RBFOX1: variants seen among roughly 807,000 people sequenced by gnomAD.
RBFOX1 encodes RNA binding fox-1 homolog 1.
Under a neutral mutation model 57.7 loss-of-function variants are expected in RBFOX1, and 8 were observed. The ratio of observed to expected loss-of-function variants is 0.14; its 90% confidence interval spans 0.08 to 0.25. The LOEUF is 0.25. Among genes scored for constraint, RBFOX1 ranks in the 10% least tolerant of loss-of-function variants. The probability of loss-of-function intolerance (pLI) is 1.00; values close to 1 mark genes in which losing one functional copy is unlikely to be tolerated. For synonymous variants in RBFOX1, 326 were observed against 222.4 expected (o/e 1.47, Z -4.15); for missense variants, 611 against 548.5 (o/e 1.11, Z -1.14).
chr16:5,240,181 G>C (rs1217955034), intron 1 of RBFOX1: 1 of 1,013,718 alleles, frequency 9.9e-7, no homozygotes, highest in South Asian at 1.4e-5. Context: ...GGGGCTGCGG[G>C]AGGCTCCGTG....
intron 3 of RBFOX1, among the ~76,000 whole-genome samples, chr16:6,787,136 T>C (rs940404682): frequency 1.3e-5 from 2 of 152,156 alleles, no homozygotes; most frequent in African/African-American, 4.8e-5. Flanking sequence ...AATTGAGTGC[T>C]CTCCAAGAAA....
At chr16:7,017,060 G>C (rs1393553293) in intron 3 of RBFOX1, among the ~76,000 whole-genome samples, 1 of 151,686 alleles carries the variant, frequency 6.6e-6, no homozygotes, top group Admixed American at 6.6e-5. Flanking sequence ...TTTTTTTATT[G>C]TTCCATGTTG....
intron 3 of RBFOX1, among the ~76,000 whole-genome samples, chr16:5,757,085 A>G (rs1290324742): frequency 6.6e-6 from 1 of 152,150 alleles, no homozygotes; most frequent in Non-Finnish European, 1.5e-5. Flanking sequence ...ATTCATTGAG[A>G]CCTAAAATTA....
intron 3 of RBFOX1, among the ~76,000 whole-genome samples, chr16:5,767,156 A>G (rs576809569): frequency 2.6e-5 from 4 of 152,228 alleles, no homozygotes; most frequent in African/African-American, 4.8e-5. Context: ...TTCAGTCCCA[A>G]TCACAGGTTA....
chr16:6,299,628 A>G (rs1190236532), intron 1 of RBFOX1, among the ~76,000 whole-genome samples: 1 of 152,158 alleles, frequency 6.6e-6, no homozygotes, highest in Non-Finnish European at 1.5e-5. Context: ...TTCTCCTAAA[A>G]TATGGTCAGA....
chr16:5,939,636 A>G (rs1480530306), intron 4 of RBFOX1, among the ~76,000 whole-genome samples: 1 of 152,052 alleles, frequency 6.6e-6, no homozygotes, highest in Admixed American at 6.5e-5. Context: ...CTTTTTCCAT[A>G]TTCTATTTAT....
chr16:6,004,271 TG>T lies in RBFOX1; in HGVS notation c.351+136937del, dbSNP rs1315673425. ...ACTACCTGGCTTTGCCTGCAGGCTC[TG>T]CTGCTTATTACCTGGGTGACCTTGG... is the stretch of plus-strand genomic sequence containing the variant. On this transcript the variant is annotated intron_variant, in intron 4 of 19. Transcript: ENST00000641259. Among the ~76,000 whole-genome samples the T allele has an allele frequency of 4.7e-4, 71 of 152,334 alleles. 1 individual carries two copies. The highest frequency in any genetic ancestry group is 1.4e-3 in the African/African-American group (60 of 41,582).
chr16:5,514,260 A>C (rs2043709437), intron 2 of RBFOX1, among the ~76,000 whole-genome samples: 2 of 152,154 alleles, frequency 1.3e-5, no homozygotes, highest in Admixed American at 1.3e-4. Context: ...GTTCAGCTAG[A>C]ATGGCCAGGG....
intron 1 of RBFOX1, among the ~76,000 whole-genome samples, chr16:5,343,016 G>C (rs2065064693): frequency 6.6e-6 from 1 of 152,186 alleles, no homozygotes; most frequent in Non-Finnish European, 1.5e-5. Context: ...CCAAGACTAA[G>C]TCAATGGCAT....
At chr16:6,152,124 C>T (rs754193303) in intron 1 of RBFOX1, among the ~76,000 whole-genome samples, 1 of 152,234 alleles carries the variant, frequency 6.6e-6, no homozygotes, top group East Asian at 1.9e-4. Context: ...TCCATCAAAG[C>T]TGATGGAATA....
chr16:7,252,671 G>C (rs1261377868), intron 4 of RBFOX1, among the ~76,000 whole-genome samples: 2 of 151,622 alleles, frequency 1.3e-5, no homozygotes, highest in African/African-American at 4.8e-5. Flanking sequence ...ACTTGTCCTA[G>C]ACGTAACCTT....
At chr16:7,138,556 C>T (rs1015849404) in intron 4 of RBFOX1, among the ~76,000 whole-genome samples, 1 of 152,102 alleles carries the variant, frequency 6.6e-6, no homozygotes, top group Admixed American at 6.6e-5. Flanking sequence ...TGTGAAACAA[C>T]GTTAATTTTA....
chr16:5,495,755 G>C (rs1024515473), intron 2 of RBFOX1, among the ~76,000 whole-genome samples: 8 of 152,202 alleles, frequency 5.3e-5, no homozygotes, highest in African/African-American at 1.9e-4. Flanking sequence ...GTATTAATAT[G>C]GGTGGCAGCA....
chr16:6,296,632 G>A (rs2152733263), intron 1 of RBFOX1, among the ~76,000 whole-genome samples: 1 of 152,180 alleles, frequency 6.6e-6, no homozygotes, highest in East Asian at 1.9e-4. Flanking sequence ...GTGTTAGCTG[G>A]GATGGTCTCG....
chr16:6,210,323 A>G lies in RBFOX1; in HGVS notation c.-126-106672A>G, dbSNP rs554670661. Among the ~76,000 whole-genome samples the G allele has an allele frequency of 4.8e-4, 56 of 116,542 alleles. 1 individual carries two copies. The highest frequency in any genetic ancestry group is 2.0e-3 in the Admixed American group (19 of 9,476). 76.5% of individuals were successfully genotyped at this position (116,542 alleles called of 152,430 possible). ...CAAGAGTGCAATTCTGTCTGAAAAAAAAAAACAAAAAAACAAAAAAACAAA... is the reference window on the plus strand; with the variant it reads ...CAAGAGTGCAATTCTGTCTGAAAAAGAAAAACAAAAAAACAAAAAAACAAA... On this transcript the variant is annotated intron_variant, in intron 1 of 15. Coordinates refer to ENST00000550418, the MANE Select transcript of RBFOX1 (RefSeq NM_018723.4).
intron 4 of RBFOX1, among the ~76,000 whole-genome samples, chr16:7,432,132 A>G (rs574105626): frequency 6.6e-6 from 1 of 152,140 alleles, no homozygotes; most frequent in Non-Finnish European, 1.5e-5. Flanking sequence ...TGGTCATCCA[A>G]CTCATTGTCA....
chr16:7,677,859 C>T (rs538286084), intron 14 of RBFOX1, among the ~76,000 whole-genome samples: 14 of 152,168 alleles, frequency 9.2e-5, no homozygotes, highest in East Asian at 1.9e-4. Flanking sequence ...GAATGGGAAG[C>T]GTCAGCAGCC....
chr16:6,768,224 A>G (rs562651627), intron 3 of RBFOX1, among the ~76,000 whole-genome samples: 26 of 152,174 alleles, frequency 1.7e-4, no homozygotes, highest in African/African-American at 6.3e-4. Context: ...CGAAAACAAA[A>G]GAAACAAGGA....
At chr16:6,072,234 C>A (rs374691159) in intron 1 of RBFOX1, among the ~76,000 whole-genome samples, 2 of 152,168 alleles carry the variant, frequency 1.3e-5, no homozygotes, top group Admixed American at 6.6e-5. Context: ...AACCCACCCC[C>A]CCATGATCCA....
Sources: gnomAD v4.1 joint callset for allele counts (sites outside exome capture counted in the v4.1 genomes callset) on GRCh38, gnomAD v4.1.1 for gene constraint, MANE v1.5 for transcripts, NCBI Gene and HGNC (gene_info 2026-07-23, HGNC 2026-07-21) for gene names.